The following DLG2 variants were observed in gnomAD, a reference collection of about 807,000 sequenced individuals.
DLG2 encodes disks large homolog 2.
Under a neutral mutation model 132.5 loss-of-function variants are expected in DLG2, and 45 were observed. The ratio of observed to expected loss-of-function variants is 0.34; its 90% confidence interval spans 0.27 to 0.44. The LOEUF is 0.44. Among genes scored for constraint, DLG2 ranks in the 20% least tolerant of loss-of-function variants. The probability of loss-of-function intolerance (pLI) is 1.00; values close to 1 mark genes in which losing one functional copy is unlikely to be tolerated. For synonymous variants in DLG2, 424 were observed against 419.6 expected, an observed-to-expected ratio of 1.01 and a Z score of -0.13; for missense variants, 1,045 against 1,196.9, an observed-to-expected ratio of 0.87 and a Z score of 1.87.
chr11:84,662,191 T>TTTTA, intron 6 of DLG2, among the ~76,000 whole-genome samples: 1 of 102,482 alleles, frequency 9.8e-6, no homozygotes, highest in Non-Finnish European at 2.0e-5. Flanking sequence ...TTGTAAATCT[T>TTTTA]TTTTTTTTTT....
rs1290819855 is a variant in DLG2, at chr11:85,229,160, T to TGAAA, written c.186+56059_186+56060insTTTC. On this transcript the variant is annotated intron_variant, in intron 4 of 27. Coordinates refer to ENST00000376104, the MANE Select transcript of DLG2 (RefSeq NM_001142699.3). ...TCTGCTTTTGTTTTCATATGTTGTA[T>TGAAA]ACATATCCTATAGATCAACAACACA... is the stretch of plus-strand genomic sequence containing the variant. 1.0e-4 allele frequency among the ~76,000 whole-genome samples: 15 copies of TGAAA among 149,652 alleles called. 1 individual carries two copies. Among genetic ancestry groups the TGAAA allele is most frequent in the African/African-American group, 3.7e-4 (15 of 40,778 alleles).
chr11:85,460,353 C>G (rs1430053024), intron 3 of DLG2, among the ~76,000 whole-genome samples: 2 of 152,190 alleles, frequency 1.3e-5, no homozygotes, highest in Non-Finnish European at 2.9e-5. Flanking sequence ...AGTCTGGAAG[C>G]TCTGGTGGGG....
At chr11:84,918,514 G>T (rs555524880) in intron 6 of DLG2, among the ~76,000 whole-genome samples, 1 of 152,272 alleles carries the variant, frequency 6.6e-6, no homozygotes. Context: ...TCTAGAAAAT[G>T]ATCGGGGCAG....
intron 6 of DLG2, among the ~76,000 whole-genome samples, chr11:84,927,300 G>A (rs995469037): frequency 6.6e-6 from 1 of 151,944 alleles, no homozygotes; most frequent in Non-Finnish European, 1.5e-5. Flanking sequence ...TAGGTAGATA[G>A]AGTAGTTTTG....
Position 83,469,347 on chromosome 11 carries a change from C to T in DLG2, c.2473G>A (p.Glu825Lys). 1 of 1,612,290 alleles carries T rather than the reference C, an allele frequency of 6.2e-7. No homozygotes were observed. The highest frequency in any genetic ancestry group is 8.5e-7 in the Non-Finnish European group (1 of 1,179,400). Residue 825 changes from glutamate (E) to lysine (K), a missense_variant, in exon 25 of 28, where the codon GAG becomes AAG. Physicochemically the swap from Glu to Lys is moderately conservative, Grantham distance 56. Around this residue, in one of 4 missense-constraint regions of DLG2, gnomAD observed 398 missense variants for 543.6 expected, o/e 0.73. Coordinates refer to ENST00000376104, the MANE Select transcript of DLG2 (RefSeq NM_001142699.3). ...PHTTRPKRDY[E>K]VDGRDYHFVI... ...AAGTGATAGTCTCTGCCATCCACCTCGTAGTCTCGCTTTGGCCTCGTAGTA... is the reference window on the plus strand; with the variant it reads ...AAGTGATAGTCTCTGCCATCCACCTTGTAGTCTCGCTTTGGCCTCGTAGTA...
chr11:84,554,175 T>C (rs2099407354), intron 6 of DLG2, among the ~76,000 whole-genome samples: 1 of 152,228 alleles, frequency 6.6e-6, no homozygotes, highest in Non-Finnish European at 1.5e-5. Context: ...TCTTCATCCT[T>C]GTATCAATTC....
At chr11:85,518,761 C>G (rs10160363) in intron 3 of DLG2, among the ~76,000 whole-genome samples, 1 of 152,150 alleles carries the variant, frequency 6.6e-6, no homozygotes, top group African/African-American at 2.4e-5. Flanking sequence ...AACACAGGTC[C>G]GGAGGCCTAG....
At chr11:83,978,925 A>G (rs1425112254) in intron 12 of DLG2, among the ~76,000 whole-genome samples, 1 of 152,158 alleles carries the variant, frequency 6.6e-6, no homozygotes, top group Non-Finnish European at 1.5e-5. Flanking sequence ...GATTGCCTCA[A>G]TTTGAAACCC....
intron 6 of DLG2, among the ~76,000 whole-genome samples, chr11:84,696,514 C>T (rs1232972849): frequency 2.6e-5 from 4 of 151,312 alleles, no homozygotes; most frequent in Admixed American, 1.3e-4. Context: ...TCCCCTTTAG[C>T]TAAGTTCGAA....
chr11:85,064,968 G>A (rs1451564691), intron 6 of DLG2, among the ~76,000 whole-genome samples: 50 of 151,226 alleles, frequency 3.3e-4, no homozygotes, highest in Non-Finnish European at 2.1e-4. Context: ...TATGTATAAA[G>A]TACCGATATA....
At chr11:85,499,717 A>G (rs2093751910) in intron 3 of DLG2, among the ~76,000 whole-genome samples, 1 of 152,190 alleles carries the variant, frequency 6.6e-6, no homozygotes, top group Non-Finnish European at 1.5e-5. Flanking sequence ...GGCAAACCAA[A>G]TCCAGCAGCA....
At chr11:85,558,556 G>A (rs1444271870) in intron 3 of DLG2, among the ~76,000 whole-genome samples, 2 of 151,862 alleles carry the variant, frequency 1.3e-5, no homozygotes, top group Non-Finnish European at 2.9e-5. Flanking sequence ...CCCATCAATA[G>A]TGGACTGGAT....
intron 9 of DLG2, among the ~76,000 whole-genome samples, chr11:84,143,185 A>ATC (rs1406151115): frequency 6.6e-6 from 1 of 151,558 alleles, no homozygotes; most frequent in Non-Finnish European, 1.5e-5. Context: ...TTTAGTCAGT[A>ATC]TATAAAAGGT....
chr11:84,293,948 C>T (rs766307400), intron 7 of DLG2, among the ~76,000 whole-genome samples: 3 of 152,188 alleles, frequency 2.0e-5, no homozygotes, highest in African/African-American at 4.8e-5. Context: ...TCCTGTCTAA[C>T]GCCATCTTTC....
chr11:85,056,927 A>G (rs1003553764), intron 6 of DLG2, among the ~76,000 whole-genome samples: 3 of 151,940 alleles, frequency 2.0e-5, no homozygotes, highest in African/African-American at 4.8e-5. Context: ...CAGCAGATCT[A>G]TATTTTAAAA....
intron 14 of DLG2, among the ~76,000 whole-genome samples, chr11:83,941,658 T>G (rs1440564659): frequency 6.6e-6 from 1 of 152,130 alleles, no homozygotes; most frequent in African/African-American, 2.4e-5. Flanking sequence ...CCTCCCCAAG[T>G]GATGGGATGA....
chr11:84,396,465 ATTTTC>A (rs1393690065), intron 7 of DLG2, among the ~76,000 whole-genome samples: 2 of 152,134 alleles, frequency 1.3e-5, no homozygotes, highest in Non-Finnish European at 2.9e-5. Flanking sequence ...GCACAACATA[ATTTTC>A]TTTTGTTTCG....
chr11:84,867,421 T>A (rs1373208866), intron 6 of DLG2, among the ~76,000 whole-genome samples: 1 of 152,174 alleles, frequency 6.6e-6, no homozygotes, highest in Non-Finnish European at 1.5e-5. Flanking sequence ...AGGTAAGTAA[T>A]CTTTGAGTCT....
intron 6 of DLG2, among the ~76,000 whole-genome samples, chr11:84,846,272 C>T (rs908023210): frequency 6.6e-6 from 1 of 152,064 alleles, no homozygotes; most frequent in African/African-American, 2.4e-5. Flanking sequence ...ATCTCTTAAA[C>T]TTAACAAGTC....
Sources: gnomAD v4.1 joint callset for allele counts (sites outside exome capture counted in the v4.1 genomes callset) on GRCh38, gnomAD v4.1.1 for gene constraint, gnomAD v4.1.1 regional missense constraint, MANE v1.5 for transcripts, NCBI Gene and HGNC (gene_info 2026-07-23, HGNC 2026-07-21) for gene names.